The following NTNG1 variants were observed in gnomAD, a reference collection of about 807,000 sequenced individuals.
The protein encoded by NTNG1 is netrin G1, also known as netrin-G1.
Under a neutral mutation model 54.0 loss-of-function variants are expected in NTNG1, and 16 were observed. The observed-to-expected ratio is 0.30, with a 90% CI of 0.20 to 0.45. NTNG1 has a LOEUF of 0.45. NTNG1 is among the 20% of genes least tolerant of loss of function. NTNG1 has a pLI of 1.00. For missense variants in NTNG1, 530 were observed against 678.7 expected (o/e 0.78, Z 2.43); for synonymous variants, 255 against 263.1 (o/e 0.97, Z 0.30).
intron 3 of NTNG1, among the ~76,000 whole-genome samples, chr1:107,361,255 T>C (rs1399346374): frequency 8.9e-6 from 1 of 112,794 alleles, no homozygotes; most frequent in Admixed American, 9.6e-5. Flanking sequence ...TTATATAAAA[T>C]ATATGTTATG....
chr1:107,409,912 T>C (rs1039396785), intron 5 of NTNG1: 2 of 152,166 alleles, frequency 1.3e-5, no homozygotes, highest in Non-Finnish European at 1.5e-5. Context: ...GCTTATAAGT[T>C]GCTTTTTGCG....
chr1:107,342,392 T>C (rs1238577762), intron 3 of NTNG1, among the ~76,000 whole-genome samples: 2 of 152,002 alleles, frequency 1.3e-5, no homozygotes, highest in African/African-American at 2.4e-5. Context: ...AATAAAACAG[T>C]AAACTATAAA....
rs79940593 is a variant in NTNG1, at chr1:107,441,919, G to A, written c.1390+5120G>A. Among the ~76,000 whole-genome samples the A allele has an allele frequency of 7.2e-5, 11 of 152,044 alleles. No individual in the cohort carries two copies. The East Asian group carries it at 1.7e-3, about 24-fold the overall frequency. ...TGTCAAGCAGGTATAGATGTGCATT[G>A]TGCATTACAGGGTAGAGATAGTGAA... On this transcript the variant is annotated intron_variant, in intron 7 of 7. Transcript: ENST00000370068.
intron 3 of NTNG1, among the ~76,000 whole-genome samples, chr1:107,386,244 A>G (rs1671993755): frequency 6.7e-6 from 1 of 149,550 alleles, no homozygotes; most frequent in African/African-American, 2.5e-5. Flanking sequence ...ATCTCGGCTC[A>G]CTGCAGCCTA....
intron 3 of NTNG1, among the ~76,000 whole-genome samples, chr1:107,363,242 A>G (rs1462700847): frequency 6.6e-6 from 1 of 152,158 alleles, no homozygotes; most frequent in Admixed American, 6.5e-5. Flanking sequence ...TGGTTTTCTG[A>G]AGGAAAAAAG....
intron 2 of NTNG1, among the ~76,000 whole-genome samples, chr1:107,226,053 C>CA (rs2101497207): frequency 6.6e-6 from 1 of 152,226 alleles, no homozygotes; most frequent in African/African-American, 2.4e-5. Context: ...AAATAAGACT[C>CA]AAAAAGATTA....
chr1:107,365,270 T>C (rs533548022), intron 3 of NTNG1, among the ~76,000 whole-genome samples: 1 of 152,278 alleles, frequency 6.6e-6, no homozygotes, highest in African/African-American at 2.4e-5. Context: ...TATTGTCTTT[T>C]TTCACACCAT....
At chr1:107,221,069 T>TA (rs1312201013) in intron 2 of NTNG1, among the ~76,000 whole-genome samples, 1 of 152,202 alleles carries the variant, frequency 6.6e-6, no homozygotes, top group African/African-American at 2.4e-5. Flanking sequence ...ACCTACATTA[T>TA]AGGGCTATTG....
intron 3 of NTNG1, among the ~76,000 whole-genome samples, chr1:107,366,309 G>A (rs1482565650): frequency 6.6e-6 from 1 of 152,062 alleles, no homozygotes; most frequent in Non-Finnish European, 1.5e-5. Flanking sequence ...AATATAGATC[G>A]GAAGTTGTGG....
intron 1 of NTNG1, among the ~76,000 whole-genome samples, chr1:107,144,834 T>C (rs1653990624): frequency 6.6e-6 from 1 of 152,010 alleles, no homozygotes; most frequent in East Asian, 1.9e-4. Flanking sequence ...TTAATGGGTA[T>C]TTTTATCAAA....
chr1:107,216,359 G>T (rs541746946), intron 2 of NTNG1, among the ~76,000 whole-genome samples: 2 of 152,136 alleles, frequency 1.3e-5, no homozygotes, highest in Non-Finnish European at 2.9e-5. Context: ...ATCATAAGTG[G>T]ATGCTGGATT....
At chr1:107,451,108 C>CTTTTTTTTTTTTT (rs55906603) in intron 7 of NTNG1, among the ~76,000 whole-genome samples, 1 of 138,392 alleles carries the variant, frequency 7.2e-6, no homozygotes, top group Non-Finnish European at 1.5e-5. Flanking sequence ...TTCTTTCTTT[C>CTTTTTTTTTTTTT]TTTTTTTTTT....
intron 3 of NTNG1, among the ~76,000 whole-genome samples, chr1:107,389,210 G>A (rs1469144135): frequency 6.6e-6 from 1 of 152,228 alleles, no homozygotes; most frequent in Non-Finnish European, 1.5e-5. Flanking sequence ...ACTTCATGGT[G>A]AATCCTCCTA....
chr1:107,306,553 C>G (rs1666707328), intron 2 of NTNG1, among the ~76,000 whole-genome samples: 1 of 152,160 alleles, frequency 6.6e-6, no homozygotes, highest in Non-Finnish European at 1.5e-5. Flanking sequence ...GAGTTCAAAA[C>G]TAGCCTGGCC....
intron 7 of NTNG1, among the ~76,000 whole-genome samples, chr1:107,469,745 C>T (rs570804222): frequency 9.2e-5 from 14 of 152,302 alleles, no homozygotes; most frequent in African/African-American, 1.2e-4. Context: ...TGAGCCACCA[C>T]GCCTAGCTTA....
chr1:107,230,694 C>A (rs1211218428), intron 2 of NTNG1, among the ~76,000 whole-genome samples: 1 of 152,080 alleles, frequency 6.6e-6, no homozygotes, highest in African/African-American at 2.4e-5. Context: ...GATTTTCAAA[C>A]ATGCATTATT....
intron 2 of NTNG1, among the ~76,000 whole-genome samples, chr1:107,312,182 A>G (rs1249268811): frequency 6.6e-6 from 1 of 152,162 alleles, no homozygotes; most frequent in Non-Finnish European, 1.5e-5. Context: ...AAAATTAACG[A>G]AGGCAATGGC....
chr1:107,245,966 A>G (rs966805170), intron 2 of NTNG1, among the ~76,000 whole-genome samples: 12 of 152,234 alleles, frequency 7.9e-5, no homozygotes, highest in Non-Finnish European at 1.8e-4. Context: ...AATTTATTTC[A>G]TATATATCAG....
At chr1:107,221,285 A>G (rs1262212351) in intron 2 of NTNG1, among the ~76,000 whole-genome samples, 2 of 152,100 alleles carry the variant, frequency 1.3e-5, no homozygotes, top group Non-Finnish European at 1.5e-5. Flanking sequence ...TACACAGCAA[A>G]TTGCCCTTGG....
Sources: allele counts gnomAD v4.1 joint callset (sites outside exome capture counted in the v4.1 genomes callset), GRCh38; gene constraint gnomAD v4.1.1; transcripts MANE v1.5; gene names NCBI Gene and HGNC (gene_info 2026-07-23, HGNC 2026-07-21).